The following RASSF1 variants were observed in gnomAD, a reference collection of about 807,000 sequenced individuals.
RASSF1 encodes the protein ras association domain-containing protein 1.
RASSF1 carries 33 observed loss-of-function variants against 34.3 expected under a neutral mutation model. That is an observed-to-expected ratio of 0.96 (90% CI 0.73 to 1.29). RASSF1 has a LOEUF of 1.29. RASSF1 is among the 50% of genes most tolerant of loss of function. The probability of loss-of-function intolerance (pLI) is 0.00; values close to 1 mark genes in which losing one functional copy is unlikely to be tolerated. For synonymous variants in RASSF1, 191 were observed against 195.0 expected, an observed-to-expected ratio of 0.98 and a Z score of 0.17; for missense variants, 445 against 471.8, an observed-to-expected ratio of 0.94 and a Z score of 0.53.
chr3:50,340,664 G>A lies in RASSF1; in HGVS notation c.142C>T (p.Pro48Ser). 6.5e-7 allele frequency: 1 copy of A among 1,532,552 alleles called. No individual in the cohort carries two copies. Among genetic ancestry groups the A allele is most frequent in the Non-Finnish European group, 8.7e-7 (1 of 1,150,018 alleles). 94.9% of individuals were successfully genotyped at this position (1,532,552 alleles called of 1,614,324 possible). ...TACNPTRQLV[P>S]GRGHRFQPAG... ...GGCTGGAAGCGGTGGCCACGGCCAG[G>A]GACCAGCTGCCGTGTGGGGTTGCAC... is the stretch of plus-strand genomic sequence containing the variant. The change falls in exon 1 of 6, where the codon CCT (proline) becomes TCT (serine). Residue 48 changes from proline to serine, a missense_variant. Pro to Ser is a moderately conservative substitution (Grantham distance 74). Coordinates refer to ENST00000359365, the MANE Select transcript of RASSF1 (RefSeq NM_007182.5).
Position 50,332,076 on chromosome 3 carries a change from T to C in RASSF1, c.436A>G (p.Ile146Val). 2 of 1,614,156 alleles carry C rather than the reference T, an allele frequency of 1.2e-6. No individual in the cohort carries two copies. Among genetic ancestry groups the C allele is most frequent in the East Asian group, 2.2e-5 (1 of 44,878 alleles). Reference protein sequence around the residue: ...EQKIKEYNAQINSNLFMSLNK... With the variant: ...EQKIKEYNAQVNSNLFMSLNK... ...AAGCTCATGAAGAGGTTGCTGTTGA[T>C]CTGGGCATTGTACTCCTTGATCTTC... Residue 146 changes from isoleucine to valine, a missense_variant, in exon 3 of 6, where the codon ATC becomes GTC. Physicochemically the swap from Ile to Val is conservative, Grantham distance 29. Coordinates refer to ENST00000359365, the MANE Select transcript of RASSF1 (RefSeq NM_007182.5).
intron 2 of RASSF1, chr3:50,337,485 A>T: frequency 6.5e-7 from 1 of 1,541,728 alleles, no homozygotes; most frequent in Non-Finnish European, 8.7e-7. Context: ...CTCTTGTCTC[A>T]TTGGGGCAGG....
intron 2 of RASSF1, chr3:50,337,602 C>A: frequency 8.2e-7 from 1 of 1,224,202 alleles, no homozygotes; most frequent in Non-Finnish European, 1.1e-6. Flanking sequence ...CGGGTGCCAG[C>A]GTCCGGGCAA....
chr3:50,336,919 G>C, intron 2 of RASSF1: 2 of 551,032 alleles, frequency 3.6e-6, no homozygotes, highest in Non-Finnish European at 6.4e-6. Context: ...TCTACCACAA[G>C]CCATACAGCT....
Position 50,331,396 on chromosome 3 carries a change from C to G in RASSF1, c.814G>C (p.Ala272Pro). Residue 272 changes from alanine (A) to proline (P), a missense_variant, in exon 5 of 6, where the codon GCA (alanine) becomes CCA (proline). Coordinates refer to ENST00000359365, the MANE Select transcript of RASSF1 (RefSeq NM_007182.5). ...DEQPLRLRLL[A>P]GPSDKALSFV... ...CTCAGGGCCTTGTCACTGGGCCCTG[C>G]CAGGAGCCGCAGCCGCAGGGGCTGC... 1 of 1,606,920 alleles carries G rather than the reference C, an allele frequency of 6.2e-7. No homozygotes were observed. Among genetic ancestry groups the G allele is most frequent in the South Asian group, 1.1e-5 (1 of 90,606 alleles).
At position 50,332,062 on chromosome 3, in the gene RASSF1, G is replaced by A. The variant is rs187962309; in HGVS notation, c.450C>T (p.Leu150=). 1.1e-4 allele frequency: 179 copies of A among 1,614,122 alleles called. 3 individuals carry two copies. In the Admixed American group the frequency reaches 2.2e-3, roughly 20 times the overall value. The change falls in exon 3 of 6, where the codon CTC becomes CTT. Residue 150 remains leucine, a synonymous_variant. Coordinates refer to ENST00000359365, the MANE Select transcript of RASSF1 (RefSeq NM_007182.5). ...KEYNAQINSN[L]FMSLNKDGSY... ...GCAGTCAACTCACCAAGCTCATGAA[G>A]AGGTTGCTGTTGATCTGGGCATTGT... is the stretch of plus-strand genomic sequence containing the variant.
chr3:50,337,455 C>T (rs1703193049), intron 2 of RASSF1: 3 of 1,567,528 alleles, frequency 1.9e-6, no homozygotes, highest in African/African-American at 1.3e-5. Context: ...AAGACTGAAA[C>T]GTAGATCGCC....
Position 50,331,875 on chromosome 3 carries a change from C to T in RASSF1, c.463-19G>A. The T allele has an allele frequency of 2.6e-6, 4 of 1,548,340 alleles. No homozygotes were observed. Among genetic ancestry groups the T allele is most frequent in the Non-Finnish European group, 3.5e-6 (4 of 1,145,360 alleles). On this transcript the variant is annotated intron_variant, in intron 3 of 5. Transcript: ENST00000359365. ...CCTTGTTCTAAAGAAATAGAGAAAC[C>T]AAACCTTGATAATAGGTTCCAGGTG...
intron 2 of RASSF1, among the ~76,000 whole-genome samples, chr3:50,335,013 G>A (rs587603693): frequency 1.6e-4 from 24 of 152,016 alleles, no homozygotes; most frequent in Admixed American, 1.0e-3. Context: ...GCAGTGGTGC[G>A]ATCTTGGCTC....
At chr3:50,336,384 G>A (rs930508743) in intron 2 of RASSF1, 1 of 152,160 alleles carries the variant, frequency 6.6e-6, no homozygotes, top group African/African-American at 2.4e-5. Flanking sequence ...CTCTGAGCCT[G>A]GTGGTCACAC....
Position 50,330,410 on chromosome 3 carries a change from C to T in RASSF1, c.*171G>A. ...GGTGCAGAGCCATACCTGGCTACAC[C>T]CACAGGTGGACACAGGGAGCAAGCT... is the stretch of plus-strand genomic sequence containing the variant. On this transcript the variant is annotated 3_prime_UTR_variant, in exon 6 of 6. Coordinates refer to ENST00000359365, the MANE Select transcript of RASSF1 (RefSeq NM_007182.5). The surrounding 1 kb of genome is among the most constrained non-coding windows in gnomAD (Gnocchi z 4.5). 1 of 924,676 alleles carries T rather than the reference C, an allele frequency of 1.1e-6. No individual in the cohort carries two copies. The highest frequency in any genetic ancestry group is 1.6e-6 in the Non-Finnish European group (1 of 624,896). The allele number at this position is 924,676 out of a possible 1,614,324, so 57.3% of individuals were successfully genotyped here. A position where few individuals can be genotyped will look rare whatever the true frequency, so the allele number is the denominator to read the frequency against.
At chr3:50,337,780 T>G (rs1490463091) in intron 2 of RASSF1, 125 bp downstream of exon 2, 1 of 1,081,478 alleles carries the variant, frequency 9.2e-7, no homozygotes, top group African/African-American at 1.6e-5. Flanking sequence ...TTAGCCTCTC[T>G]GTGCCGCCGG....
At chr3:50,335,571 G>C (rs1231823866) in intron 2 of RASSF1, among the ~76,000 whole-genome samples, 1 of 151,972 alleles carries the variant, frequency 6.6e-6, no homozygotes, top group Non-Finnish European at 1.5e-5. Flanking sequence ...TGCCTGCCTT[G>C]GCCTCCCAAA....
Position 50,330,503 on chromosome 3 carries a change from C to T in RASSF1, c.*78G>A. On this transcript the variant is annotated 3_prime_UTR_variant, in exon 6 of 6. Coordinates refer to ENST00000359365, the MANE Select transcript of RASSF1 (RefSeq NM_007182.5). The surrounding 1 kb of genome is among the most constrained non-coding windows in gnomAD (Gnocchi z 4.5). ...CTCCATGCACACTCATTCCACAGGC[C>T]CCACTGGCCCTGTCACACTCACACG... 1 of 1,559,768 alleles carries T rather than the reference C, an allele frequency of 6.4e-7. No homozygotes were observed. The highest frequency in any genetic ancestry group is 1.1e-5 in the South Asian group (1 of 87,768).
chr3:50,332,011 T>G (rs1465803500), intron 3 of RASSF1, 39 bp downstream of exon 3: 1 of 1,601,644 alleles, frequency 6.2e-7, no homozygotes. Context: ...GCTGGGTACC[T>G]GCTCCTCCCC....
Position 50,333,970 on chromosome 3 carries a change from C to T in RASSF1, c.358-1816G>A, listed in dbSNP as rs1703036202. On this transcript the variant is annotated intron_variant, in intron 2 of 5. Coordinates refer to ENST00000359365, the MANE Select transcript of RASSF1 (RefSeq NM_007182.5). ...GGCCCTAGTTAGAATGCGAGTGTCA[C>T]AGACACAGCTAAGCTCAGCGCTGAC... Among the ~76,000 whole-genome samples, 3 of 152,202 alleles carry T rather than the reference C, an allele frequency of 2.0e-5. No individual in the cohort carries two copies. In the South Asian group the frequency reaches 6.2e-4, roughly 31 times the overall value.
chr3:50,340,494 G>T, intron 1 of RASSF1, 62 bp downstream of exon 1: 1 of 1,388,384 alleles, frequency 7.2e-7, no homozygotes, highest in Non-Finnish European at 9.3e-7. Flanking sequence ...TTGACCCGCG[G>T]CGACTGCGCT....
intron 1 of RASSF1, among the ~76,000 whole-genome samples, chr3:50,338,533 G>T (rs587769552): frequency 2.6e-5 from 4 of 152,350 alleles, no homozygotes; most frequent in East Asian, 3.9e-4. Flanking sequence ...ACCCGCCTCG[G>T]CCTTCCAAAG....
intron 5 of RASSF1, 118 bp downstream of exon 5, chr3:50,331,216 C>G (rs1575539224): frequency 1.2e-6 from 1 of 814,442 alleles, no homozygotes; most frequent in East Asian, 2.8e-5. Context: ...CCTATACACT[C>G]CTGGAACTGT....
Sources: gnomAD v4.1 joint callset for allele counts (sites outside exome capture counted in the v4.1 genomes callset) on GRCh38, gnomAD v4.1.1 for gene constraint, Gnocchi (gnomAD v3.1) non-coding constraint, MANE v1.5 for transcripts, NCBI Gene and HGNC (gene_info 2026-07-23, HGNC 2026-07-21) for gene names.